SYNPO2: variants seen among roughly 807,000 people sequenced by gnomAD.
SYNPO2 encodes the protein synaptopodin-2.
SYNPO2 carries 56 observed loss-of-function variants against 85.0 expected under a neutral mutation model. The observed-to-expected ratio is 0.66, with a 90% CI of 0.53 to 0.82. The LOEUF is 0.82. Among genes scored for constraint, SYNPO2 ranks in the 40% least tolerant of loss-of-function variants. SYNPO2 has a pLI of 0.00. For synonymous variants in SYNPO2, 602 were observed against 591.1 expected (o/e 1.02, Z -0.27); for missense variants, 1,575 against 1,534.2 (o/e 1.03, Z -0.44).
chr4:119,014,665 A>C (rs1459787543), intron 1 of SYNPO2, among the ~76,000 whole-genome samples: 3 of 152,252 alleles, frequency 2.0e-5, no homozygotes, highest in Non-Finnish European at 4.4e-5. Flanking sequence ...GAGTCTAAAC[A>C]GTTCCTAAGA....
At chr4:119,016,506 A>T (rs1004082611) in intron 1 of SYNPO2, among the ~76,000 whole-genome samples, 2 of 152,066 alleles carry the variant, frequency 1.3e-5, no homozygotes, top group Non-Finnish European at 2.9e-5. Flanking sequence ...TAAAAAGAGT[A>T]TTTACATAGA....
Position 118,916,729 on chromosome 4 carries a change from C to CTTTTTTTTTTTTTTTTTTTTT in SYNPO2, c.105+27606_105+27607insTTTTTTTTTTTTTTTTTTTTT, listed in dbSNP as rs199715189. Among the ~76,000 whole-genome samples, 8 of 117,022 alleles carry CTTTTTTTTTTTTTTTTTTTTT rather than the reference C, an allele frequency of 6.8e-5. 1 individual carries two copies. The highest frequency in any genetic ancestry group is 2.7e-4 in the South Asian group (1 of 3,662). The allele number at this position is 117,022 out of a possible 152,430, so 76.8% of individuals were successfully genotyped here. On this transcript the variant is annotated intron_variant, in intron 1 of 4. Coordinates refer to ENST00000307142, the MANE Select transcript of SYNPO2 (RefSeq NM_133477.3). ...TCCTCTTCCTCTTTTATTTTTCTTT[C>CTTTTTTTTTTTTTTTTTTTTT]TTTTTTTTTTTTTTTTTTCTAGAAA...
intron 4 of SYNPO2, chr4:119,033,242 AT>A (rs906743457): frequency 4.6e-5 from 45 of 985,042 alleles, no homozygotes; most frequent in Middle Eastern, 5.2e-4. Context: ...GATCTCACAG[AT>A]TTTTTTTCTT....
At chr4:118,878,169 C>T (rs1731962490) in intron 1 of SYNPO2, among the ~76,000 whole-genome samples, 1 of 151,988 alleles carries the variant, frequency 6.6e-6, no homozygotes, top group South Asian at 2.1e-4. Context: ...TACATATTGA[C>T]ACAAAAAGGG....
At chr4:119,022,058 C>T (rs1428879224) in intron 1 of SYNPO2, among the ~76,000 whole-genome samples, 1 of 152,118 alleles carries the variant, frequency 6.6e-6, no homozygotes, top group Non-Finnish European at 1.5e-5. Context: ...TTGCTTAGTA[C>T]CATGCCTGGA....
At chr4:118,906,105 A>G (rs1249078327) in intron 1 of SYNPO2, among the ~76,000 whole-genome samples, 20 of 152,216 alleles carry the variant, frequency 1.3e-4, no homozygotes. Flanking sequence ...GCAGGCTGAT[A>G]TACCTGTTGA....
chr4:118,970,618 C>G (rs1735503816), intron 1 of SYNPO2, among the ~76,000 whole-genome samples: 1 of 152,182 alleles, frequency 6.6e-6, no homozygotes, highest in African/African-American at 2.4e-5. Context: ...CTTCCCATAG[C>G]AGATAACCTC....
intron 4 of SYNPO2, among the ~76,000 whole-genome samples, chr4:119,053,794 A>G (rs567972675): frequency 6.6e-6 from 1 of 152,296 alleles, no homozygotes; most frequent in South Asian, 2.1e-4. Context: ...ATGTCTTATC[A>G]CTGCAATGTA....
At chr4:118,945,083 A>C (rs1358487853) in intron 1 of SYNPO2, among the ~76,000 whole-genome samples, 2 of 152,234 alleles carry the variant, frequency 1.3e-5, no homozygotes, top group Non-Finnish European at 1.5e-5. Context: ...AATGAAGTAC[A>C]GTACTTAATG....
chr4:119,035,057 A>G, intron 4 of SYNPO2: 1 of 985,454 alleles, frequency 1.0e-6, no homozygotes, highest in Non-Finnish European at 1.2e-6. Context: ...AGCGACAATC[A>G]TTTACGAGTT....
At chr4:118,956,220 A>G (rs1409325982) in intron 1 of SYNPO2, among the ~76,000 whole-genome samples, 1 of 152,198 alleles carries the variant, frequency 6.6e-6, no homozygotes, top group Non-Finnish European at 1.5e-5. Flanking sequence ...TGGGGGGCTA[A>G]CATAACCTTA....
At chr4:119,014,371 G>A (rs1161322143) in intron 1 of SYNPO2, among the ~76,000 whole-genome samples, 4 of 152,214 alleles carry the variant, frequency 2.6e-5, no homozygotes, top group South Asian at 2.1e-4. Flanking sequence ...CCAAGATTGC[G>A]TCTCTGCCCT....
At chr4:118,954,995 ATTT>A (rs143188478) in intron 1 of SYNPO2, among the ~76,000 whole-genome samples, 13,846 of 130,870 alleles carry the variant, frequency 0.11, 803 homozygotes, top group East Asian at 0.16. Context: ...ATTCTGTGCA[ATTT>A]TTTTTTTTTT....
At chr4:118,998,883 T>C (rs1277370387) in intron 1 of SYNPO2, among the ~76,000 whole-genome samples, 2 of 142,552 alleles carry the variant, frequency 1.4e-5, no homozygotes, top group African/African-American at 5.7e-5. Flanking sequence ...TCTTACTCTG[T>C]TTTTGTTTTT....
intron 1 of SYNPO2, among the ~76,000 whole-genome samples, chr4:118,924,781 C>G (rs1340025814): frequency 1.3e-5 from 2 of 152,152 alleles, no homozygotes; most frequent in Admixed American, 6.6e-5. Context: ...GCTGGTATAT[C>G]TGCTGTTTTA....
intron 1 of SYNPO2, among the ~76,000 whole-genome samples, chr4:118,964,016 G>T (rs1004443986): frequency 6.6e-6 from 1 of 152,154 alleles, no homozygotes; most frequent in African/African-American, 2.4e-5. Context: ...ATCCTATTAG[G>T]ACGTACATGG....
intron 4 of SYNPO2, chr4:119,033,154 G>C: frequency 4.1e-6 from 4 of 985,466 alleles, no homozygotes; most frequent in Non-Finnish European, 4.8e-6. Context: ...TACAGGGGCT[G>C]ATTGTGAAGC....
intron 1 of SYNPO2, among the ~76,000 whole-genome samples, chr4:118,927,697 GAGATAGATAGATAGATAGATAGAT>G (rs70944821): frequency 2.8e-4 from 35 of 124,980 alleles, no homozygotes; most frequent in African/African-American, 1.0e-3. Context: ...ATTAAACAAT[GAGATAGATAGATAGATAGATAGAT>G]AGATAGATAG....
chr4:118,970,463 A>G (rs908129030), intron 1 of SYNPO2, among the ~76,000 whole-genome samples: 4 of 152,234 alleles, frequency 2.6e-5, no homozygotes, highest in Non-Finnish European at 5.9e-5. Flanking sequence ...AAATAAAACA[A>G]TAAGTTTGTA....
Sources: allele counts gnomAD v4.1 joint callset (sites outside exome capture counted in the v4.1 genomes callset), GRCh38; gene constraint gnomAD v4.1.1; transcripts MANE v1.5; gene names NCBI Gene and HGNC (gene_info 2026-07-23, HGNC 2026-07-21).